The following FBXW11 variants were observed in gnomAD, a reference collection of about 807,000 sequenced individuals.
FBXW11 encodes the protein F-box and WD repeat domain containing 11.
In FBXW11, 19 loss-of-function variants were observed where a neutral mutation model predicts 77.6. That is an observed-to-expected ratio of 0.24 (90% CI 0.17 to 0.36). The LOEUF (loss-of-function observed/expected upper bound fraction) is 0.36, where lower values mean the gene tolerates loss of function less well. Among genes scored for constraint, FBXW11 ranks in the 10% least tolerant of loss-of-function variants. The pLI, the probability that FBXW11 is intolerant of heterozygous loss-of-function variation, is 1.00. For missense variants in FBXW11, 334 were observed against 704.2 expected (o/e 0.47, Z 5.95); for synonymous variants, 235 against 249.4 (o/e 0.94, Z 0.54).
chr5:171,909,862 T>C (rs1372304846), intron 4 of FBXW11, among the ~76,000 whole-genome samples: 5 of 152,130 alleles, frequency 3.3e-5, no homozygotes, highest in African/African-American at 1.2e-4. Flanking sequence ...TAAGTGCCAC[T>C]TCAGATACAA....
Position 171,890,868 on chromosome 5 carries a change from T to C in FBXW11, c.852+599A>G, listed in dbSNP as rs1467916617. Among the ~76,000 whole-genome samples the C allele has an allele frequency of 3.3e-5, 5 of 152,300 alleles. No homozygotes were observed. The East Asian group carries it at 9.6e-4, about 29-fold the overall frequency. On this transcript the variant is annotated intron_variant, in intron 7 of 13. Coordinates refer to ENST00000517395, the MANE Select transcript of FBXW11 (RefSeq NM_001378974.1). The stretch of plus-strand genomic sequence containing the variant: ...ACAGTTATACATGTCTGTGTGTTTA[T>C]CAAAATTCACAGAATTATACAACAA...
At chr5:171,990,823 G>A (rs1487692099) in intron 1 of FBXW11, among the ~76,000 whole-genome samples, 5 of 150,238 alleles carry the variant, frequency 3.3e-5, no homozygotes, top group Non-Finnish European at 7.4e-5. Context: ...TTTTTTTTTC[G>A]CTGGTTACTC....
intron 2 of FBXW11, among the ~76,000 whole-genome samples, chr5:171,951,843 T>A (rs1413569659): frequency 6.6e-6 from 1 of 152,172 alleles, no homozygotes; most frequent in Non-Finnish European, 1.5e-5. Context: ...TGTAAAACTT[T>A]GAGGCATTTT....
At chr5:171,952,852 A>G (rs926689041) in intron 2 of FBXW11, among the ~76,000 whole-genome samples, 5 of 151,224 alleles carry the variant, frequency 3.3e-5, no homozygotes, top group Non-Finnish European at 5.9e-5. Context: ...ATATTATGAG[A>G]TTTTTTTTCT....
intron 2 of FBXW11, among the ~76,000 whole-genome samples, chr5:171,921,267 T>C (rs553723886): frequency 1.3e-5 from 2 of 152,332 alleles, no homozygotes; most frequent in South Asian, 2.1e-4. Context: ...ATGTTTAACA[T>C]AGGAGCCACG....
At chr5:171,921,779 C>A (rs1761610117) in intron 2 of FBXW11, among the ~76,000 whole-genome samples, 1 of 152,176 alleles carries the variant, frequency 6.6e-6, no homozygotes, top group Non-Finnish European at 1.5e-5. Context: ...CACTTTGTCA[C>A]CCAGGCTGAA....
chr5:171,883,969 A>G (rs75692967), intron 7 of FBXW11, among the ~76,000 whole-genome samples: 1 of 152,124 alleles, frequency 6.6e-6, no homozygotes, highest in Non-Finnish European at 1.5e-5. Context: ...TAGATTGTGA[A>G]GATTTTCTCC....
At chr5:171,890,911 T>C (rs72835259) in intron 7 of FBXW11, among the ~76,000 whole-genome samples, 3,631 of 152,294 alleles carry the variant, frequency 0.024, 87 homozygotes, top group Non-Finnish European at 0.031. Flanking sequence ...AACTTCCCTG[T>C]TTGTAAGTTA....
chr5:171,926,330 A>G (rs1482307109), intron 2 of FBXW11, among the ~76,000 whole-genome samples: 2 of 152,222 alleles, frequency 1.3e-5, no homozygotes, highest in Non-Finnish European at 2.9e-5. Context: ...CTGGCAGAGT[A>G]AGTGAGAAAA....
chr5:171,992,778 G>T lies in FBXW11; in HGVS notation c.45+13680C>A, dbSNP rs180818805. ...TCTCTCTAACCCTGCCCTCTCTAAT[G>T]AACTCCAGGCCAATATTCCTACTAG... is the stretch of plus-strand genomic sequence containing the variant. On this transcript the variant is annotated intron_variant, in intron 1 of 13. Transcript: ENST00000517395. Among the ~76,000 whole-genome samples the T allele has an allele frequency of 1.3e-4, 20 of 151,896 alleles. No individual in the cohort carries two copies. The East Asian group carries it at 3.9e-3, about 30-fold the overall frequency.
chr5:172,003,188 G>C (rs760774873), intron 1 of FBXW11: 1 of 152,196 alleles, frequency 6.6e-6, no homozygotes, highest in Non-Finnish European at 1.5e-5. Context: ...CACACCCGTG[G>C]AGGAGGCAGG....
intron 13 of FBXW11, among the ~76,000 whole-genome samples, 194 bp downstream of exon 13, chr5:171,868,416 T>C (rs1282374116): frequency 6.6e-6 from 1 of 152,086 alleles, no homozygotes; most frequent in African/African-American, 2.4e-5. Context: ...ACCCACACAA[T>C]AGGCAGGATT....
chr5:171,882,777 C>CT (rs1472914220), intron 7 of FBXW11, among the ~76,000 whole-genome samples: 2 of 151,766 alleles, frequency 1.3e-5, no homozygotes, highest in Admixed American at 6.6e-5. Flanking sequence ...TCTAGCCTTT[C>CT]TTTTTTTATT....
chr5:171,896,249 T>G (rs1345534596), intron 6 of FBXW11, among the ~76,000 whole-genome samples: 7 of 152,202 alleles, frequency 4.6e-5, no homozygotes, highest in Non-Finnish European at 7.4e-5. Flanking sequence ...GAAAAAGGTG[T>G]TGTGAACTGG....
chr5:171,910,798 C>A lies in FBXW11; in HGVS notation c.211-1G>T. ...TCACAGATGATGTTCCATTACTTATCTATTTTAGAAAAACAAAAAAAAAAT... is the reference window on the plus strand; with the variant it reads ...TCACAGATGATGTTCCATTACTTATATATTTTAGAAAAACAAAAAAAAAAT... On this transcript the variant is annotated splice_acceptor_variant, in intron 3 of 13. Coordinates refer to ENST00000517395, the MANE Select transcript of FBXW11 (RefSeq NM_001378974.1). LOFTEE classifies it high-confidence loss of function. The A allele has an allele frequency of 6.5e-7, 1 of 1,540,906 alleles. No individual in the cohort carries two copies.
chr5:171,956,378 GAGA>G (rs969150175), intron 2 of FBXW11, among the ~76,000 whole-genome samples: 1 of 152,164 alleles, frequency 6.6e-6, no homozygotes, highest in African/African-American at 2.4e-5. Context: ...CTTGTAAGGT[GAGA>G]CTTGTAACCC....
chr5:171,950,220 T>G (rs1260014042), intron 2 of FBXW11, among the ~76,000 whole-genome samples: 2 of 152,136 alleles, frequency 1.3e-5, no homozygotes, highest in Admixed American at 1.3e-4. Context: ...AAAGTACACC[T>G]TAAACATTTT....
chr5:171,920,231 T>C (rs1285061230), intron 2 of FBXW11, among the ~76,000 whole-genome samples: 2 of 152,102 alleles, frequency 1.3e-5, no homozygotes. Flanking sequence ...AACTGAATTC[T>C]GAACATAAGT....
chr5:171,871,990 T>C (rs1373790389), intron 10 of FBXW11, among the ~76,000 whole-genome samples: 1 of 152,186 alleles, frequency 6.6e-6, no homozygotes, highest in Non-Finnish European at 1.5e-5. Context: ...ATGATGAATA[T>C]AAGAGAATCA....
Sources: gnomAD v4.1 joint callset for allele counts (sites outside exome capture counted in the v4.1 genomes callset) on GRCh38, gnomAD v4.1.1 for gene constraint, MANE v1.5 for transcripts, NCBI Gene and HGNC (gene_info 2026-07-23, HGNC 2026-07-21) for gene names.